Variants in BCL9 observed in about 807,000 individuals in gnomAD.
The protein encoded by BCL9 is BCL9 transcription coactivator.
In BCL9, 25 loss-of-function variants were observed where a neutral mutation model predicts 88.5. The observed-to-expected ratio is 0.28, with a 90% confidence interval of 0.21 to 0.39. The LOEUF (loss-of-function observed/expected upper bound fraction) is 0.39, where lower values mean the gene tolerates loss of function less well. Ranked by LOEUF, BCL9 falls within the 10% of genes least tolerant of loss-of-function variation. The pLI is 1.00. For missense variants in BCL9, 1,817 were observed against 1,877.8 expected (o/e 0.97, Z 0.60); for synonymous variants, 711 against 673.3 (o/e 1.06, Z -0.87).
At chr1:147,555,946 A>G (rs868924880) in intron 1 of BCL9, among the ~76,000 whole-genome samples, 2 of 152,332 alleles carry the variant, frequency 1.3e-5, no homozygotes, top group African/African-American at 2.4e-5. Context: ...TGTAATTACA[A>G]TAATAGGAAG....
At chr1:147,570,219 T>G (rs1553197215) in intron 1 of BCL9, among the ~76,000 whole-genome samples, 1 of 152,134 alleles carries the variant, frequency 6.6e-6, no homozygotes, top group African/African-American at 2.4e-5. Context: ...AGGAGCATGA[T>G]GAATGAAAAG....
In BCL9 at chr1:147,624,224, C is replaced by G; in HGVS notation, c.3546C>G (p.Asn1182Lys). 6.2e-7 allele frequency: 1 copy of G among 1,612,292 alleles called. No individual in the cohort carries two copies. Among genetic ancestry groups the G allele is most frequent in the African/African-American group, 1.3e-5 (1 of 75,014 alleles). The change falls in exon 10 of 10, where the codon AAC (asparagine) becomes AAG (lysine). Residue 1182 changes from asparagine to lysine, a missense_variant. Asn to Lys is a moderately conservative substitution (Grantham distance 94). Coordinates refer to ENST00000234739, the MANE Select transcript of BCL9 (RefSeq NM_004326.4). This position sits in a 1 kb window ranked among gnomAD's most constrained non-coding sequence, Gnocchi z 4.4. The part of the protein sequence containing the change: ...PGEGPLGRPS[N>K]LPQSSADAAL... The stretch of plus-strand genomic sequence containing the variant: ...AAGGCCCCCTTGGCCGCCCCAGCAA[C>G]CTGCCCCAAAGTTCAGCAGATGCAG...
chr1:147,623,727 TC>T (rs1658773763), intron 9 of BCL9, 114 bp from the exon 10 acceptor site: 2 of 1,219,990 alleles, frequency 1.6e-6, no homozygotes, highest in East Asian at 4.8e-5. Flanking sequence ...TTGTATGTTT[TC>T]CCAGCATTAT....
intron 1 of BCL9, among the ~76,000 whole-genome samples, chr1:147,552,024 A>G (rs1435078437): frequency 1.3e-5 from 2 of 152,152 alleles, no homozygotes; most frequent in African/African-American, 4.8e-5. Context: ...TTGAATCCCT[A>G]CCTTTAAGGT....
intron 8 of BCL9, 67 bp downstream of exon 8, chr1:147,621,124 T>TAG: frequency 6.8e-7 from 1 of 1,466,938 alleles, no homozygotes; most frequent in Non-Finnish European, 9.2e-7. Flanking sequence ...ATAGTTACTT[T>TAG]AAGAAAACTG....
chr1:147,576,623 C>T (rs1553198130), intron 1 of BCL9, among the ~76,000 whole-genome samples: 1 of 152,076 alleles, frequency 6.6e-6, no homozygotes, highest in Non-Finnish European at 1.5e-5. Context: ...ATAATGGTAT[C>T]CAGTGTGGGT....
chr1:147,544,244 T>C (rs1481172567), intron 1 of BCL9, among the ~76,000 whole-genome samples: 2 of 152,050 alleles, frequency 1.3e-5, no homozygotes, highest in Non-Finnish European at 2.9e-5. Flanking sequence ...GTGCATAGAG[T>C]TGCATAAGTT....
chr1:147,624,187 G>A lies in BCL9; in HGVS notation c.3509G>A (p.Gly1170Asp). Residue 1170 changes from glycine to aspartate, a missense_variant, in exon 10 of 10, where the codon GGT becomes GAT. Gly to Asp is a moderately conservative substitution (Grantham distance 94). This residue lies in a region of BCL9 where 589 missense variants were observed against 686.2 expected (regional missense o/e 0.86). Coordinates refer to ENST00000234739, the MANE Select transcript of BCL9 (RefSeq NM_004326.4). The surrounding 1 kb of genome is among the most constrained non-coding windows in gnomAD (Gnocchi z 4.4). ...CAGGGCAGCTTCCCAGGAGGGATGG[G>A]TTTCCCAGGAGAAGGCCCCCTTGGC... ...GGQGSFPGGM[G>D]FPGEGPLGRP... The A allele has an allele frequency of 1.2e-6, 2 of 1,607,324 alleles. No individual in the cohort carries two copies. Among genetic ancestry groups the A allele is most frequent in the Non-Finnish European group, 1.7e-6 (2 of 1,175,776 alleles).
rs1471833299 is a variant in BCL9, at chr1:147,619,582, A to C, written c.1427A>C (p.Gln476Pro). ...GAGCAGATAGCGTGGCTGAAACTGC[A>C]GCAGGAGTTTTATGAAGAGAAGAGG... The part of the protein sequence containing the change: ...TPEQIAWLKL[Q>P]QEFYEEKRRK... The change falls in exon 8 of 10, where the codon CAG (glutamine) becomes CCG (proline). Residue 476 changes from glutamine to proline, a missense_variant. By Grantham distance (76) the Gln-to-Pro change is moderately conservative. Around this residue, in one of 2 missense-constraint regions of BCL9, gnomAD observed 1,228 missense variants for 1,191.6 expected, o/e 1.03. Transcript: ENST00000234739. The surrounding 1 kb of genome is among the most constrained non-coding windows in gnomAD (Gnocchi z 4.1). 6.2e-7 allele frequency: 1 copy of C among 1,613,968 alleles called. No homozygotes were observed. The highest frequency in any genetic ancestry group is 1.3e-5 in the African/African-American group (1 of 74,888).
intron 1 of BCL9, among the ~76,000 whole-genome samples, chr1:147,581,198 G>C (rs782755859): frequency 4.6e-5 from 7 of 152,140 alleles, no homozygotes; most frequent in Non-Finnish European, 7.3e-5. Context: ...CTGGGAAAAG[G>C]CTTCCTTATT....
intron 4 of BCL9, among the ~76,000 whole-genome samples, chr1:147,612,161 T>C (rs1386319460): frequency 1.3e-5 from 2 of 152,104 alleles, no homozygotes; most frequent in Admixed American, 1.3e-4. Flanking sequence ...GAAAGGACCA[T>C]AGAGACCAAC....
intron 3 of BCL9, among the ~76,000 whole-genome samples, chr1:147,607,381 A>C (rs1434152467): frequency 6.6e-6 from 1 of 152,182 alleles, no homozygotes; most frequent in African/African-American, 2.4e-5. Flanking sequence ...TGTGCTAGGC[A>C]CTATAGTAAT....
At chr1:147,543,511 G>T (rs183129106) in intron 1 of BCL9, among the ~76,000 whole-genome samples, 1 of 152,144 alleles carries the variant, frequency 6.6e-6, no homozygotes, top group African/African-American at 2.4e-5. Flanking sequence ...TGGCAAGAAG[G>T]TCCCCCTACA....
At chr1:147,546,023 C>T (rs928732074) in intron 1 of BCL9, among the ~76,000 whole-genome samples, 10 of 152,104 alleles carry the variant, frequency 6.6e-5, no homozygotes, top group South Asian at 4.1e-4. Context: ...TTAAAGGTAA[C>T]GTGTTGACTT....
At chr1:147,572,083 C>CAA (rs34956999) in intron 1 of BCL9, among the ~76,000 whole-genome samples, 115,104 of 150,610 alleles carry the variant, frequency 0.76, 48,253 homozygotes, top group East Asian at 0.94. Flanking sequence ...ACTAAAAATA[C>CAA]AAAAAAAAAT....
At chr1:147,546,681 C>T (rs1282908615) in intron 1 of BCL9, among the ~76,000 whole-genome samples, 1 of 152,144 alleles carries the variant, frequency 6.6e-6, no homozygotes, top group Non-Finnish European at 1.5e-5. Context: ...AATTCAAGAA[C>T]TATAGTTATC....
At chr1:147,548,981 T>TTC (rs1256423540) in intron 1 of BCL9, among the ~76,000 whole-genome samples, 2 of 127,096 alleles carry the variant, frequency 1.6e-5, no homozygotes, top group South Asian at 2.3e-4. Context: ...CTTTCTTTCT[T>TTC]TTTTTTTTTT....
Position 147,624,225 on chromosome 1 carries a change from C to G in BCL9, c.3547C>G (p.Leu1183Val), listed in dbSNP as rs116866277. The G allele has an allele frequency of 3.8e-5, 62 of 1,612,340 alleles. No individual in the cohort carries two copies. The East Asian group carries it at 1.3e-3, about 35-fold the overall frequency. ...GEGPLGRPSNLPQSSADAALC... is the reference protein window; with the variant it reads ...GEGPLGRPSNVPQSSADAALC... The stretch of plus-strand genomic sequence containing the variant: ...AGGCCCCCTTGGCCGCCCCAGCAAC[C>G]TGCCCCAAAGTTCAGCAGATGCAGC... Residue 1183 changes from leucine to valine, a missense_variant, in exon 10 of 10, where the codon CTG becomes GTG. Physicochemically the swap from Leu to Val is conservative, Grantham distance 32. Coordinates refer to ENST00000234739, the MANE Select transcript of BCL9 (RefSeq NM_004326.4). This position sits in a 1 kb window ranked among gnomAD's most constrained non-coding sequence, Gnocchi z 4.4.
At position 147,619,403 on chromosome 1, in the gene BCL9, A is replaced by C. The variant is rs1570915401; in HGVS notation, c.1248A>C (p.Leu416=). Residue 416 remains leucine, a synonymous_variant, in exon 8 of 10, where the codon CTA becomes CTC. Coordinates refer to ENST00000234739, the MANE Select transcript of BCL9 (RefSeq NM_004326.4). The surrounding 1 kb of genome is among the most constrained non-coding windows in gnomAD (Gnocchi z 4.1). ...IQAMMAQSQS[L]GKGPGPRTDV... ...CCATGATGGCCCAATCCCAAAGCCT[A>C]GGTAAGGGACCTGGGCCCCGGACAG... 2 of 1,614,106 alleles carry C rather than the reference A, an allele frequency of 1.2e-6. No homozygotes were observed. Among genetic ancestry groups the C allele is most frequent in the Non-Finnish European group, 1.7e-6 (2 of 1,180,016 alleles).
Sources: allele counts gnomAD v4.1 joint callset (sites outside exome capture counted in the v4.1 genomes callset), GRCh38; gene constraint gnomAD v4.1.1; regional missense constraint gnomAD v4.1.1; non-coding constraint Gnocchi (gnomAD v3.1); transcripts MANE v1.5; gene names NCBI Gene and HGNC (gene_info 2026-07-23, HGNC 2026-07-21).